The following AFG2A variants were observed in gnomAD, a reference collection of about 807,000 sequenced individuals.
AFG2A encodes AAA ATPase AFG2A.
the AFG2A span, among the ~76,000 whole-genome samples, chr4:123,026,789 C>G: frequency 6.6e-6 from 1 of 152,076 alleles, no homozygotes; most frequent in Admixed American, 6.6e-5. Context: ...TCACTCAGAC[C>G]CCAATCTTTC....
chr4:122,982,152 C>A, the AFG2A span, among the ~76,000 whole-genome samples: 1 of 152,172 alleles, frequency 6.6e-6, no homozygotes, highest in East Asian at 1.9e-4. Context: ...ATACATATAG[C>A]GTTATGATGT....
At chr4:122,938,184 G>T in the AFG2A span, 2 of 1,609,742 alleles carry the variant, frequency 1.2e-6, no homozygotes, top group African/African-American at 1.3e-5. Context: ...AAGAGAGGGG[G>T]CCCAGAATGA....
chr4:123,284,133 T>C, the AFG2A span, among the ~76,000 whole-genome samples: 2 of 152,206 alleles, frequency 1.3e-5, no homozygotes, highest in Non-Finnish European at 2.9e-5. Context: ...TGCCTTTATA[T>C]AGAATGTCTG....
the AFG2A span, among the ~76,000 whole-genome samples, chr4:123,153,068 TATTA>T: frequency 5.3e-5 from 8 of 152,372 alleles, no homozygotes; most frequent in Admixed American, 4.6e-4. Context: ...TTCAGATATT[TATTA>T]ATTCTTCCAT....
the AFG2A span, among the ~76,000 whole-genome samples, chr4:123,151,516 C>G: frequency 4.6e-5 from 7 of 152,084 alleles, no homozygotes; most frequent in African/African-American, 1.7e-4. Flanking sequence ...ATGCAACCAA[C>G]AAACATAAGA....
At chr4:123,120,559 C>G in the AFG2A span, among the ~76,000 whole-genome samples, 1 of 152,182 alleles carries the variant, frequency 6.6e-6, no homozygotes, top group Non-Finnish European at 1.5e-5. Context: ...CAGTCACATT[C>G]TAGACACAGT....
At chr4:122,937,992 A>G in the AFG2A span, 2 of 901,614 alleles carry the variant, frequency 2.2e-6, no homozygotes, top group Non-Finnish European at 3.1e-6. Flanking sequence ...TTTTTAGCTT[A>G]ACATTATAAT....
At chr4:123,194,742 T>A in the AFG2A span, among the ~76,000 whole-genome samples, 1 of 152,230 alleles carries the variant, frequency 6.6e-6, no homozygotes, top group African/African-American at 2.4e-5. Flanking sequence ...ATTGATGATC[T>A]GCCCATGACC....
the AFG2A span, among the ~76,000 whole-genome samples, chr4:122,940,773 G>A: frequency 1.0e-3 from 158 of 151,374 alleles, no homozygotes; most frequent in South Asian, 4.2e-4. Context: ...TAGGTCTAAC[G>A]TTTAAGTCTT....
the AFG2A span, among the ~76,000 whole-genome samples, chr4:123,065,053 A>T: frequency 6.6e-6 from 1 of 152,204 alleles, no homozygotes; most frequent in Non-Finnish European, 1.5e-5. Flanking sequence ...TATATTGACT[A>T]TAGAGCAGAT....
the AFG2A span, among the ~76,000 whole-genome samples, chr4:122,992,566 A>G: frequency 5.3e-5 from 8 of 152,358 alleles, no homozygotes; most frequent in African/African-American, 1.9e-4. Context: ...TGGCTAGTTA[A>G]TTATCAACAT....
chr4:123,191,128 ATTGT>A, the AFG2A span, among the ~76,000 whole-genome samples: 1 of 152,170 alleles, frequency 6.6e-6, no homozygotes. Flanking sequence ...GGGGAGGAAC[ATTGT>A]TTGGTTAATT....
At chr4:123,316,747 A>G in the AFG2A span, 1 of 152,198 alleles carries the variant, frequency 6.6e-6, no homozygotes, top group South Asian at 2.1e-4. Flanking sequence ...TAGCCACTCA[A>G]AGCCTTCAGC....
At chr4:123,274,790 A>G in the AFG2A span, among the ~76,000 whole-genome samples, 15 of 152,154 alleles carry the variant, frequency 9.9e-5, no homozygotes, top group Admixed American at 7.2e-4. Flanking sequence ...AAGAACCATT[A>G]GTCTGTCTTA....
chr4:123,310,085 G>A, the AFG2A span, among the ~76,000 whole-genome samples: 9 of 152,230 alleles, frequency 5.9e-5, no homozygotes, highest in South Asian at 4.1e-4. Flanking sequence ...TTTTATTCGC[G>A]GTAGGAGAAA....
At chr4:123,292,426 G>C in the AFG2A span, among the ~76,000 whole-genome samples, 1 of 152,088 alleles carries the variant, frequency 6.6e-6, no homozygotes, top group Non-Finnish European at 1.5e-5. Flanking sequence ...TCTTTGGAGG[G>C]TGTTGTAGAA....
chr4:122,967,613 C>T, the AFG2A span, among the ~76,000 whole-genome samples: 1 of 151,990 alleles, frequency 6.6e-6, no homozygotes, highest in Non-Finnish European at 1.5e-5. Flanking sequence ...ATAAATATGT[C>T]CTGCAATGAT....
At chr4:122,935,490 C>A in the AFG2A span, among the ~76,000 whole-genome samples, 1 of 150,754 alleles carries the variant, frequency 6.6e-6, no homozygotes, top group African/African-American at 2.4e-5. Flanking sequence ...TTTTTTTAAC[C>A]AACATGCTTC....
the AFG2A span, among the ~76,000 whole-genome samples, chr4:123,307,361 G>A: frequency 6.6e-6 from 1 of 151,970 alleles, no homozygotes; most frequent in Admixed American, 6.6e-5. Context: ...GGTGGTCCCT[G>A]GGTTCAGTGT....
Sources: allele counts gnomAD v4.1 joint callset (sites outside exome capture counted in the v4.1 genomes callset), GRCh38; gene constraint gnomAD v4.1.1; transcripts MANE v1.5; gene names NCBI Gene and HGNC (gene_info 2026-07-23, HGNC 2026-07-21).